TTC12: variants seen among roughly 807,000 people sequenced by gnomAD.
The protein encoded by TTC12 is tetratricopeptide repeat domain 12, also known as tetratricopeptide repeat protein 12.
In TTC12, 70 loss-of-function variants were observed where a neutral mutation model predicts 90.1. The observed-to-expected ratio is 0.78, with a 90% CI of 0.64 to 0.95. TTC12 has a LOEUF of 0.95. Ranked by LOEUF, TTC12 falls within the 40% of genes least tolerant of loss-of-function variation. The pLI is 0.00. For synonymous variants in TTC12, 296 were observed against 311.5 expected (o/e 0.95, Z 0.53); for missense variants, 819 against 846.1 (o/e 0.97, Z 0.40).
chr11:113,337,113 T>C (rs187330126), intron 8 of TTC12, among the ~76,000 whole-genome samples: 1 of 152,314 alleles, frequency 6.6e-6, no homozygotes, highest in Admixed American at 6.5e-5. Context: ...ATAAAAGAAA[T>C]GTGAATAAAG....
chr11:113,344,020 T>A (rs782006218), intron 12 of TTC12, among the ~76,000 whole-genome samples: 9 of 152,184 alleles, frequency 5.9e-5, no homozygotes, highest in Admixed American at 1.3e-4. Flanking sequence ...CCTCATGATG[T>A]CCCTGTAGGT....
At chr11:113,336,356 CT>C (rs1948370778) in intron 8 of TTC12, among the ~76,000 whole-genome samples, 1 of 152,034 alleles carries the variant, frequency 6.6e-6, no homozygotes, top group African/African-American at 2.4e-5. Flanking sequence ...TGATGATGTT[CT>C]TTGCGGCACA....
chr11:113,324,046 A>G (rs1237565465), intron 4 of TTC12, 31 bp downstream of exon 4: 1 of 1,585,326 alleles, frequency 6.3e-7, no homozygotes, highest in African/African-American at 1.3e-5. Flanking sequence ...CCCAATTTTC[A>G]TTCTTTATAT....
intron 16 of TTC12, among the ~76,000 whole-genome samples, chr11:113,354,399 G>A (rs782372994): frequency 2.6e-5 from 4 of 152,094 alleles, no homozygotes; most frequent in East Asian, 1.9e-4. Context: ...GGATCATGTC[G>A]TCTACAAACA....
At chr11:113,364,041 C>T in intron 20 of TTC12, 114 bp downstream of exon 20, 1 of 670,086 alleles carries the variant, frequency 1.5e-6, no homozygotes, top group South Asian at 1.9e-5. Context: ...TAACCTCTCC[C>T]AGACTTCAGC....
At position 113,339,286 on chromosome 11, in the gene TTC12, G is replaced by C. The variant is rs1428159756; in HGVS notation, c.638G>C (p.Gly213Ala). The change falls in exon 10 of 22, where the codon GGT becomes GCT. Residue 213 changes from glycine to alanine, a missense_variant and splice_region_variant. Coordinates refer to ENST00000529221, the MANE Select transcript of TTC12 (RefSeq NM_017868.4). The part of the protein sequence containing the change: ...INPKLQTQVK[G>A]YLNQVDLQEK... ...TTGCTTTCCTTTCTTGTTTTTCTAG[G>C]TTACCTGAATCAAGTAGATCTTCAG... is the stretch of plus-strand genomic sequence containing the variant. 5.0e-6 allele frequency: 8 copies of C among 1,595,418 alleles called. No homozygotes were observed. In the Admixed American group the frequency reaches 1.5e-4, roughly 29 times the overall value.
At position 113,365,293 on chromosome 11, in the gene TTC12, C is replaced by T. The variant is rs148361633; in HGVS notation, c.2042+233C>T. On this transcript the variant is annotated intron_variant, in intron 21 of 21. Coordinates refer to ENST00000529221, the MANE Select transcript of TTC12 (RefSeq NM_017868.4). ...AGGGAATCGGCTTGTCTGACAGGGA[C>T]GTGCTGCTCCCACTTGCTGCCGTTG... 4.4e-3 allele frequency among the ~76,000 whole-genome samples: 667 copies of T among 152,270 alleles called. 7 individuals carry two copies. Among genetic ancestry groups the T allele is most frequent in the African/African-American group, 0.015 (608 of 41,552 alleles).
At chr11:113,363,616 CAG>C (rs1386042631) in intron 19 of TTC12, among the ~76,000 whole-genome samples, 6 of 152,168 alleles carry the variant, frequency 3.9e-5, no homozygotes, top group Admixed American at 1.3e-4. Context: ...ACATTCCTGT[CAG>C]GGGTGTGGGC....
chr11:113,351,700 G>A (rs1242675140), intron 15 of TTC12, among the ~76,000 whole-genome samples: 1 of 152,190 alleles, frequency 6.6e-6, no homozygotes, highest in Non-Finnish European at 1.5e-5. Context: ...GCTTCTCCTT[G>A]GAGAGTGTGT....
chr11:113,339,396 GAGACC>G lies in TTC12; in HGVS notation c.749_753del (p.Glu250AlafsTer5), dbSNP rs782233471. 7 of 1,613,974 alleles carry G rather than the reference GAGACC, an allele frequency of 4.3e-6. No homozygotes were observed. The South Asian group carries it at 7.7e-5, about 18-fold the overall frequency. On this transcript the variant is annotated frameshift_variant, in exon 10 of 22. Transcript: ENST00000529221. LOFTEE classifies it high-confidence loss of function. ...AGCCGTGACCACCAAGAACCTCCTG[GAGACC>G]CTTTCCAAGCCTGACCAGATCCCCT...
chr11:113,339,396 G>A lies in TTC12; in HGVS notation c.748G>A (p.Glu250Lys), dbSNP rs1474536334. 54 of 1,613,974 alleles carry A rather than the reference G, an allele frequency of 3.3e-5. No homozygotes were observed. Among genetic ancestry groups the A allele is most frequent in the Non-Finnish European group, 4.5e-5 (53 of 1,179,992 alleles). ...NTAVTTKNLL[E>K]TLSKPDQIPL... is the part of the protein sequence containing the mutation. ...AGCCGTGACCACCAAGAACCTCCTG[G>A]AGACCCTTTCCAAGCCTGACCAGAT... Residue 250 changes from glutamate to lysine, a missense_variant, in exon 10 of 22, where the codon GAG becomes AAG. Coordinates refer to ENST00000529221, the MANE Select transcript of TTC12 (RefSeq NM_017868.4).
downstream of TTC12, among the ~76,000 whole-genome samples, chr11:113,369,813 A>G (rs1346327435): frequency 1.3e-5 from 2 of 152,210 alleles, no homozygotes; most frequent in South Asian, 4.1e-4. Flanking sequence ...ACAGATAGAA[A>G]GTATTTACTT....
At chr11:113,339,234 G>C in intron 9 of TTC12, 52 bp from the exon 10 acceptor site, 2 of 1,466,160 alleles carry the variant, frequency 1.4e-6, no homozygotes, top group Non-Finnish European at 1.8e-6. Context: ...CTTCTTGTGT[G>C]GTATTGTTGA....
chr11:113,351,936 A>G (rs1949317904), intron 15 of TTC12, 134 bp from the exon 16 acceptor site: 2 of 1,044,930 alleles, frequency 1.9e-6, no homozygotes, highest in Middle Eastern at 3.1e-4. Context: ...GTGAGACCCC[A>G]GGGATGCCCC....
intron 13 of TTC12, among the ~76,000 whole-genome samples, chr11:113,349,532 T>C (rs1357894284): frequency 2.6e-5 from 4 of 152,322 alleles, no homozygotes; most frequent in African/African-American, 7.2e-5. Flanking sequence ...ATCTTTCTCA[T>C]AGGAACCAGT....
rs2138038728 is a variant in TTC12, at chr11:113,351,784, T to A, written c.1309-286T>A. Among the ~76,000 whole-genome samples, 2 of 152,280 alleles carry A rather than the reference T, an allele frequency of 1.3e-5. 1 individual carries two copies. Among genetic ancestry groups the A allele is most frequent in the South Asian group, 4.1e-4 (2 of 4,830 alleles). On this transcript the variant is annotated intron_variant, in intron 15 of 21. Transcript: ENST00000529221. ...TAGAGAGCATAACCACACCTCAGTA[T>A]GTCACAGCTATGGAAATGGAGCCTC...
At chr11:113,341,623 C>CT in intron 11 of TTC12, 1 of 551,728 alleles carries the variant, frequency 1.8e-6, no homozygotes, top group Non-Finnish European at 3.3e-6. Context: ...GCTCACTGCC[C>CT]AGCCTCTGTG....
intron 2 of TTC12, among the ~76,000 whole-genome samples, chr11:113,317,663 T>C (rs1947027007): frequency 6.6e-6 from 1 of 152,090 alleles, no homozygotes; most frequent in South Asian, 2.1e-4. Flanking sequence ...ACTTAAGTCC[T>C]CCCATGACCT....
At chr11:113,330,004 A>T (rs782270633) in intron 7 of TTC12, 25 bp downstream of exon 7, 1 of 1,589,842 alleles carries the variant, frequency 6.3e-7, no homozygotes, top group Admixed American at 1.7e-5. Flanking sequence ...CTTTTCCCAC[A>T]TGATAGTGTT....
Sources: gnomAD v4.1 joint callset for allele counts (sites outside exome capture counted in the v4.1 genomes callset) on GRCh38, gnomAD v4.1.1 for gene constraint, MANE v1.5 for transcripts, NCBI Gene and HGNC (gene_info 2026-07-23, HGNC 2026-07-21) for gene names.